Variants in SLC39A11 observed in about 807,000 individuals in gnomAD.
SLC39A11 encodes the protein zinc transporter ZIP11.
In SLC39A11, 33 loss-of-function variants were observed where a neutral mutation model predicts 36.1. The observed-to-expected ratio is 0.91, with a 90% CI of 0.69 to 1.22. The LOEUF is 1.22. SLC39A11 is among the 50% of genes most tolerant of loss of function. The probability of loss-of-function intolerance (pLI) is 0.00; values close to 1 mark genes in which losing one functional copy is unlikely to be tolerated. For synonymous variants in SLC39A11, 166 were observed against 170.3 expected (o/e 0.97, Z 0.20); for missense variants, 432 against 430.3 (o/e 1.00, Z -0.03).
At position 73,011,116 on chromosome 17, in the gene SLC39A11, G is replaced by A. The variant is rs1261876643; in HGVS notation, c.306+20440C>T. Among the ~76,000 whole-genome samples, 4 of 152,324 alleles carry A rather than the reference G, an allele frequency of 2.6e-5. No individual in the cohort carries two copies. In the East Asian group the frequency reaches 5.8e-4, roughly 22 times the overall value. On this transcript the variant is annotated intron_variant, in intron 4 of 9. Coordinates refer to ENST00000255559, the MANE Select transcript of SLC39A11 (RefSeq NM_139177.4). ...GGTGATGACAGCCCAGGGAAGGGAA[G>A]GGCCAGGACGAGGAAAGTACAAAAT...
chr17:72,742,127 C>T (rs1392332652), intron 6 of SLC39A11, among the ~76,000 whole-genome samples: 1 of 151,902 alleles, frequency 6.6e-6, no homozygotes, highest in Non-Finnish European at 1.5e-5. Flanking sequence ...CGCTTGAACC[C>T]GGGAGGCAGA....
At chr17:72,656,634 T>C (rs1000895623) in intron 7 of SLC39A11, among the ~76,000 whole-genome samples, 7 of 151,980 alleles carry the variant, frequency 4.6e-5, no homozygotes, top group Non-Finnish European at 7.4e-5. Context: ...GACAGGCCTC[T>C]CCCGGGGAGG....
At chr17:72,683,210 T>C (rs2071582680) in intron 7 of SLC39A11, among the ~76,000 whole-genome samples, 2 of 151,842 alleles carry the variant, frequency 1.3e-5, no homozygotes, top group South Asian at 4.1e-4. Flanking sequence ...AGATCCTCTA[T>C]GGAAGGAAAG....
At chr17:72,862,440 T>C (rs1454661404) in intron 5 of SLC39A11, among the ~76,000 whole-genome samples, 1 of 152,238 alleles carries the variant, frequency 6.6e-6, no homozygotes, top group Non-Finnish European at 1.5e-5. Context: ...GAATGGACCC[T>C]GCTTGGTGAA....
chr17:73,013,187 G>A (rs2090620202), intron 4 of SLC39A11, among the ~76,000 whole-genome samples: 1 of 152,066 alleles, frequency 6.6e-6, no homozygotes, highest in Admixed American at 6.6e-5. Flanking sequence ...CACCTCCTGG[G>A]TTCAAGGAAC....
intron 5 of SLC39A11, among the ~76,000 whole-genome samples, chr17:72,855,896 C>CAAA (rs74402514): frequency 7.9e-6 from 1 of 126,926 alleles, no homozygotes; most frequent in Non-Finnish European, 1.7e-5. Context: ...GAATCCGTCT[C>CAAA]AAAAAAAAAA....
At chr17:72,880,349 G>A (rs1048163387) in intron 5 of SLC39A11, among the ~76,000 whole-genome samples, 5 of 152,196 alleles carry the variant, frequency 3.3e-5, no homozygotes, top group East Asian at 1.9e-4. Flanking sequence ...CAGATGGATC[G>A]CTTGAGCCTA....
chr17:72,971,493 G>T (rs145054138), intron 4 of SLC39A11, among the ~76,000 whole-genome samples: 1 of 152,220 alleles, frequency 6.6e-6, no homozygotes, highest in Non-Finnish European at 1.5e-5. Flanking sequence ...AAACCCTCTG[G>T]ACTGGGAATG....
intron 6 of SLC39A11, among the ~76,000 whole-genome samples, chr17:72,806,771 C>T (rs371055371): frequency 1.7e-4 from 26 of 152,238 alleles, no homozygotes; most frequent in Middle Eastern, 6.8e-3. Flanking sequence ...TTAGTAGAGA[C>T]GGGGTTGTGC....
intron 7 of SLC39A11, among the ~76,000 whole-genome samples, chr17:72,686,839 C>T (rs770885757): frequency 1.3e-5 from 2 of 152,216 alleles, no homozygotes; most frequent in Non-Finnish European, 2.9e-5. Context: ...GGGACCACCA[C>T]AGGTCATTTA....
At chr17:73,076,335 C>A (rs1283888940) in intron 3 of SLC39A11, among the ~76,000 whole-genome samples, 1 of 152,146 alleles carries the variant, frequency 6.6e-6, no homozygotes, top group Non-Finnish European at 1.5e-5. Flanking sequence ...GAAAAAACAA[C>A]TTGCGAAATA....
intron 5 of SLC39A11, among the ~76,000 whole-genome samples, chr17:72,857,941 T>C (rs1303580086): frequency 1.3e-5 from 2 of 152,250 alleles, no homozygotes; most frequent in Admixed American, 1.3e-4. Flanking sequence ...TTTACTCTGT[T>C]GATAGTTTCT....
At chr17:72,680,593 C>T (rs1212239597) in intron 7 of SLC39A11, among the ~76,000 whole-genome samples, 2 of 152,194 alleles carry the variant, frequency 1.3e-5, no homozygotes, top group Non-Finnish European at 2.9e-5. Context: ...GAGGCCTCCC[C>T]AGCCATGTGG....
intron 5 of SLC39A11, among the ~76,000 whole-genome samples, chr17:72,933,516 T>C (rs1328289096): frequency 2.6e-5 from 4 of 152,108 alleles, no homozygotes; most frequent in Admixed American, 2.6e-4. Flanking sequence ...CCAGTCAAAA[T>C]CCCATTGGGA....
intron 4 of SLC39A11, among the ~76,000 whole-genome samples, chr17:72,957,536 C>T (rs1474898576): frequency 1.3e-5 from 2 of 152,278 alleles, no homozygotes; most frequent in African/African-American, 4.8e-5. Context: ...TTTAAAATTT[C>T]GGCCAGGCGC....
chr17:73,073,999 T>A (rs1332714361), intron 3 of SLC39A11, among the ~76,000 whole-genome samples: 1 of 148,376 alleles, frequency 6.7e-6, no homozygotes. Flanking sequence ...CCATAAAATA[T>A]CTCCAAGAAA....
At chr17:72,762,225 C>T (rs1037163203) in intron 6 of SLC39A11, among the ~76,000 whole-genome samples, 3 of 152,150 alleles carry the variant, frequency 2.0e-5, no homozygotes, top group African/African-American at 7.2e-5. Context: ...AGTTACAGGT[C>T]GTAAAGGCCT....
chr17:72,856,312 G>A (rs2079640068), intron 5 of SLC39A11, among the ~76,000 whole-genome samples: 1 of 152,196 alleles, frequency 6.6e-6, no homozygotes. Flanking sequence ...TACAAGTGAG[G>A]TGGAACATTT....
Position 72,891,920 on chromosome 17 carries a change from T to A in SLC39A11, c.431-42116A>T, listed in dbSNP as rs373464670. On this transcript the variant is annotated intron_variant, in intron 5 of 9. Coordinates refer to ENST00000255559, the MANE Select transcript of SLC39A11 (RefSeq NM_139177.4). ...ACTCATGAGCCTGGGGCATTACTGTTCTGTGCTATGCACTTCTGCAGCCTC... is the reference window on the plus strand; with the variant it reads ...ACTCATGAGCCTGGGGCATTACTGTACTGTGCTATGCACTTCTGCAGCCTC... Among the ~76,000 whole-genome samples, 27 of 152,266 alleles carry A rather than the reference T, an allele frequency of 1.8e-4. No homozygotes were observed. In the East Asian group the frequency reaches 3.9e-3, roughly 22 times the overall value.
Sources: gnomAD v4.1 joint callset for allele counts (sites outside exome capture counted in the v4.1 genomes callset) on GRCh38, gnomAD v4.1.1 for gene constraint, MANE v1.5 for transcripts, NCBI Gene and HGNC (gene_info 2026-07-23, HGNC 2026-07-21) for gene names.